The following NSUN3 variants were observed in gnomAD, a reference collection of about 807,000 sequenced individuals.
The protein encoded by NSUN3 is NOP2/Sun RNA methyltransferase 3.
In NSUN3, 24 loss-of-function variants were observed where a neutral mutation model predicts 36.8. That is an observed-to-expected ratio of 0.65 (90% confidence interval 0.47 to 0.92). The LOEUF (loss-of-function observed/expected upper bound fraction) is 0.92. NSUN3 is among the 40% of genes least tolerant of loss of function. The probability of loss-of-function intolerance (pLI) is 0.00; values close to 1 mark genes in which losing one functional copy is unlikely to be tolerated. For synonymous variants in NSUN3, 146 were observed against 145.2 expected (o/e 1.01, Z -0.04); for missense variants, 381 against 392.8 (o/e 0.97, Z 0.25).
chr3:94,115,165 A>C (rs1338762058), intron 5 of NSUN3, among the ~76,000 whole-genome samples: 1 of 152,198 alleles, frequency 6.6e-6, no homozygotes, highest in Non-Finnish European at 1.5e-5. Context: ...CATAAGTTGC[A>C]GATAGCTTTA....
At chr3:94,095,907 T>C (rs1465953040) in intron 5 of NSUN3, among the ~76,000 whole-genome samples, 1 of 138,282 alleles carries the variant, frequency 7.2e-6, no homozygotes, top group African/African-American at 2.9e-5. Context: ...CCACCAAGCC[T>C]AGCTAATTTT....
chr3:94,076,367 G>A (rs188093881), intron 2 of NSUN3: 34 of 812,694 alleles, frequency 4.2e-5, no homozygotes, highest in Admixed American at 1.0e-4. Flanking sequence ...AGCAGTGTGA[G>A]CGTCAACTGA....
At chr3:94,068,635 A>C (rs572744504) in intron 2 of NSUN3, among the ~76,000 whole-genome samples, 46 of 152,356 alleles carry the variant, frequency 3.0e-4, no homozygotes, top group African/African-American at 1.0e-3. Context: ...AGCATTAATT[A>C]GAAATATTTA....
At position 94,089,239 on chromosome 3, in the gene NSUN3, C is replaced by T. The variant is rs1478423496; in HGVS notation, c.466+4789C>T. Among the ~76,000 whole-genome samples the T allele has an allele frequency of 3.3e-5, 5 of 152,036 alleles. No individual in the cohort carries two copies. The South Asian group carries it at 6.2e-4, about 19-fold the overall frequency. On this transcript the variant is annotated intron_variant, in intron 3 of 5. Coordinates refer to ENST00000314622, the MANE Select transcript of NSUN3 (RefSeq NM_022072.5). Reference sequence around the variant, plus strand: ...TGAGTGGGGCAGGAGAGGGCTAACCCCCACCTACCAGGAATGTCAGGCAAT... The same window carrying T: ...TGAGTGGGGCAGGAGAGGGCTAACCTCCACCTACCAGGAATGTCAGGCAAT...
chr3:94,107,775 C>T (rs1241217606), intron 5 of NSUN3, among the ~76,000 whole-genome samples: 1 of 152,072 alleles, frequency 6.6e-6, no homozygotes, highest in African/African-American at 2.4e-5. Flanking sequence ...TGGCCATGTT[C>T]CGTAAAGTCA....
At chr3:94,074,602 G>T (rs2077239059) in intron 2 of NSUN3, among the ~76,000 whole-genome samples, 1 of 152,132 alleles carries the variant, frequency 6.6e-6, no homozygotes, top group Admixed American at 6.5e-5. Context: ...TTGGCTGTCT[G>T]TTTGTCTGTT....
At chr3:94,071,660 C>T (rs1385009607) in intron 2 of NSUN3, among the ~76,000 whole-genome samples, 1 of 152,062 alleles carries the variant, frequency 6.6e-6, no homozygotes, top group Non-Finnish European at 1.5e-5. Context: ...AGCAAATTTG[C>T]AGGTCACTGA....
intron 3 of NSUN3, among the ~76,000 whole-genome samples, chr3:94,092,660 A>G (rs1233725138): frequency 1.3e-5 from 2 of 152,044 alleles, no homozygotes; most frequent in East Asian, 3.9e-4. Context: ...TCCCAGCACG[A>G]TGGGAGACCG....
chr3:94,068,524 G>C (rs574924612), intron 2 of NSUN3, among the ~76,000 whole-genome samples: 5 of 152,120 alleles, frequency 3.3e-5, no homozygotes, highest in Non-Finnish European at 5.9e-5. Context: ...ATTGTGCTAA[G>C]CACTGAGAAT....
intron 5 of NSUN3, 40 bp downstream of exon 5, chr3:94,095,194 T>G (rs780942243): frequency 1.9e-6 from 3 of 1,600,140 alleles, no homozygotes; most frequent in Non-Finnish European, 2.6e-6. Context: ...TGGTGTCTGA[T>G]GTAATTTACA....
chr3:94,124,148 C>CTTTT (rs58987431), intron 5 of NSUN3, among the ~76,000 whole-genome samples: 41 of 88,172 alleles, frequency 4.7e-4, no homozygotes, highest in Admixed American at 7.3e-4. Context: ...TATTTTATTT[C>CTTTT]TTTTTTTTTT....
At chr3:94,087,490 T>A (rs1211401787) in intron 3 of NSUN3, among the ~76,000 whole-genome samples, 1 of 152,212 alleles carries the variant, frequency 6.6e-6, no homozygotes, top group Admixed American at 6.5e-5. Context: ...ACCATGGTTG[T>A]TGTCAACATA....
intron 5 of NSUN3, among the ~76,000 whole-genome samples, chr3:94,117,087 C>T (rs2077443373): frequency 6.8e-6 from 1 of 147,220 alleles, no homozygotes; most frequent in Non-Finnish European, 1.5e-5. Flanking sequence ...CAACCTCCAC[C>T]TCCTGGGTTC....
In NSUN3 at chr3:94,130,178, G is replaced by A. The variant is rs1035595599; in HGVS notation, c.*3688G>A. Among the ~76,000 whole-genome samples, 1 of 152,162 alleles carries A rather than the reference G, an allele frequency of 6.6e-6. No homozygotes were observed. The highest frequency in any genetic ancestry group is 2.4e-5 in the African/African-American group (1 of 41,428). On this transcript the variant is annotated 3_prime_UTR_variant, in exon 6 of 6. Transcript: ENST00000314622. ...TGCCAAGGCTACACTGGTAAGTAAA[G>A]GGTTCAGCCAATGTATAGACAGACT...
chr3:94,085,918 C>T (rs939998066), intron 3 of NSUN3, among the ~76,000 whole-genome samples: 2 of 151,194 alleles, frequency 1.3e-5, no homozygotes, highest in African/African-American at 2.4e-5. Flanking sequence ...TGACGTGACA[C>T]CATCTCAATT....
At chr3:94,071,438 A>T (rs767682486) in intron 2 of NSUN3, among the ~76,000 whole-genome samples, 1 of 152,212 alleles carries the variant, frequency 6.6e-6, no homozygotes, top group Non-Finnish European at 1.5e-5. Context: ...GTTAAAGATG[A>T]GTCAGTCTAT....
At chr3:94,099,433 A>G (rs1272822710) in intron 5 of NSUN3, among the ~76,000 whole-genome samples, 1 of 152,144 alleles carries the variant, frequency 6.6e-6, no homozygotes, top group Non-Finnish European at 1.5e-5. Context: ...TCACTTCAGT[A>G]GCAAATTGGC....
At chr3:94,070,150 G>A (rs1162882384) in intron 2 of NSUN3, among the ~76,000 whole-genome samples, 5 of 152,168 alleles carry the variant, frequency 3.3e-5, no homozygotes, top group Non-Finnish European at 7.3e-5. Context: ...ATGAATGAAT[G>A]TTGACAAGAA....
intron 5 of NSUN3, among the ~76,000 whole-genome samples, chr3:94,117,543 A>G (rs1455729093): frequency 2.6e-5 from 4 of 152,136 alleles, no homozygotes; most frequent in Non-Finnish European, 4.4e-5. Flanking sequence ...CACAAAATGC[A>G]TTTCAGCCTG....
Sources: allele counts gnomAD v4.1 joint callset (sites outside exome capture counted in the v4.1 genomes callset), GRCh38; gene constraint gnomAD v4.1.1; transcripts MANE v1.5; gene names NCBI Gene and HGNC (gene_info 2026-07-23, HGNC 2026-07-21).